Variants in RNF180 observed in about 807,000 individuals in gnomAD.
RNF180 encodes the protein ring finger protein 180.
RNF180 carries 38 observed loss-of-function variants against 59.2 expected under a neutral mutation model. That is an observed-to-expected ratio of 0.64 (90% CI 0.50 to 0.84). The LOEUF (loss-of-function observed/expected upper bound fraction) is 0.84, where lower values mean the gene tolerates loss of function less well. RNF180 is among the 40% of genes least tolerant of loss of function. The probability of loss-of-function intolerance (pLI) is 0.00; values close to 1 mark genes in which losing one functional copy is unlikely to be tolerated. For missense variants in RNF180, 705 were observed against 700.9 expected (o/e 1.01, Z -0.07); for synonymous variants, 262 against 240.3 (o/e 1.09, Z -0.84).
At chr5:64,334,194 T>G (rs1221018937) in intron 7 of RNF180, among the ~76,000 whole-genome samples, 1 of 152,134 alleles carries the variant, frequency 6.6e-6, no homozygotes, top group Non-Finnish European at 1.5e-5. Context: ...GGGCACTGAG[T>G]CAGAGTGGAG....
At chr5:64,352,465 G>T (rs889870825) in intron 7 of RNF180, among the ~76,000 whole-genome samples, 3 of 151,816 alleles carry the variant, frequency 2.0e-5, no homozygotes, top group Admixed American at 2.0e-4. Context: ...GTTTGCCCTT[G>T]CTTCTCTATT....
intron 1 of RNF180, among the ~76,000 whole-genome samples, chr5:64,181,720 G>A (rs6898951): frequency 0.4 from 60,380 of 151,886 alleles, 12,429 homozygotes; most frequent in African/African-American, 0.48. Flanking sequence ...CTGTGTGTAC[G>A]AAGAAAAATA....
At chr5:64,328,996 A>G (rs1229961208) in intron 6 of RNF180, among the ~76,000 whole-genome samples, 5 of 152,192 alleles carry the variant, frequency 3.3e-5, no homozygotes, top group Non-Finnish European at 7.3e-5. Flanking sequence ...AAGAGTTTCT[A>G]CCGTTTAAAA....
chr5:64,170,646 T>A (rs1352438322), intron 1 of RNF180, among the ~76,000 whole-genome samples: 1 of 152,190 alleles, frequency 6.6e-6, no homozygotes, highest in Non-Finnish European at 1.5e-5. Flanking sequence ...TTTTCTGATG[T>A]CTTGGGAAAA....
At chr5:64,259,514 C>G (rs188043019) in intron 5 of RNF180, among the ~76,000 whole-genome samples, 94 of 152,316 alleles carry the variant, frequency 6.2e-4, no homozygotes, top group African/African-American at 2.1e-3. Flanking sequence ...TGTATCTACT[C>G]ACCAAGACTT....
chr5:64,343,485 C>T (rs1745439216), intron 7 of RNF180, among the ~76,000 whole-genome samples: 1 of 151,934 alleles, frequency 6.6e-6, no homozygotes, highest in Non-Finnish European at 1.5e-5. Flanking sequence ...TGAAGACAGA[C>T]ATCAGTACCT....
chr5:64,260,567 A>G (rs1005175051), intron 5 of RNF180, among the ~76,000 whole-genome samples: 41 of 152,190 alleles, frequency 2.7e-4, no homozygotes, highest in African/African-American at 9.2e-4. Context: ...AGAATAACCA[A>G]TCCCTCAATT....
intron 5 of RNF180, among the ~76,000 whole-genome samples, chr5:64,267,115 A>G (rs1744724203): frequency 6.6e-6 from 1 of 152,096 alleles, no homozygotes; most frequent in African/African-American, 2.4e-5. Flanking sequence ...CTGAATTCTG[A>G]AACATCTCTG....
Position 64,214,260 on chromosome 5 carries a change from T to C in RNF180, c.934T>C (p.Cys312Arg), listed in dbSNP as rs201399881. The change falls in exon 4 of 8, where the codon TGT becomes CGT. Residue 312 changes from cysteine (C) to arginine (R), a missense_variant. Transcript: ENST00000389100. ...TQTQRGGEFQCGLEAASVYSD... is the reference protein window; with the variant it reads ...TQTQRGGEFQRGLEAASVYSD... ...GACACAAAGAGGAGGAGAATTTCAG[T>C]GTGGTCTAGAAGCTGCTTCAGTGTA... The C allele has an allele frequency of 4.1e-5, 66 of 1,613,940 alleles. No homozygotes were observed. In the Admixed American group the frequency reaches 1.1e-3, roughly 26 times the overall value.
rs138547362 is a variant in RNF180, at chr5:64,317,563, C to CATACATATATATACATATAT, written c.1228-7608_1228-7607insTATATATACATATATATACA. On this transcript the variant is annotated intron_variant, in intron 5 of 7. Transcript: ENST00000389100. ...GTATATTTATATATACATATATACACATACATATATATACACATATATATA... is the reference window on the plus strand; with the variant it reads ...GTATATTTATATATACATATATACACATACATATATATACATATATATACATATATATACACATATATATA... Among the ~76,000 whole-genome samples the CATACATATATATACATATAT allele has an allele frequency of 4.1e-5, 6 of 147,598 alleles. No individual in the cohort carries two copies. The East Asian group carries it at 1.2e-3, about 29-fold the overall frequency.
At chr5:64,350,474 G>A (rs1252982723) in intron 7 of RNF180, among the ~76,000 whole-genome samples, 1 of 152,092 alleles carries the variant, frequency 6.6e-6, no homozygotes, top group African/African-American at 2.4e-5. Context: ...TAGACATGAA[G>A]TCCTCGCCCA....
intron 6 of RNF180, 41 bp downstream of exon 6, chr5:64,325,452 T>C: frequency 1.5e-6 from 2 of 1,299,454 alleles, no homozygotes; most frequent in Non-Finnish European, 2.2e-6. Flanking sequence ...CTGATTATTC[T>C]ACCTCTTATA....
At chr5:64,285,797 A>G (rs770572232) in intron 5 of RNF180, among the ~76,000 whole-genome samples, 1 of 152,158 alleles carries the variant, frequency 6.6e-6, no homozygotes, top group Non-Finnish European at 1.5e-5. Context: ...CTTGAAGAGC[A>G]TGGTGAGCCT....
intron 2 of RNF180, among the ~76,000 whole-genome samples, chr5:64,210,489 T>C (rs1752257737): frequency 6.6e-6 from 1 of 152,152 alleles, no homozygotes; most frequent in Non-Finnish European, 1.5e-5. Context: ...TCTGATAACA[T>C]CTGTTTATAT....
chr5:64,294,154 A>G (rs1742757658), intron 5 of RNF180, among the ~76,000 whole-genome samples: 1 of 152,158 alleles, frequency 6.6e-6, no homozygotes, highest in Admixed American at 6.5e-5. Flanking sequence ...AAAAATCAAT[A>G]ATAACTGAAT....
chr5:64,330,480 T>C (rs1372109433), intron 7 of RNF180, 74 bp downstream of exon 7: 1 of 1,331,714 alleles, frequency 7.5e-7, no homozygotes, highest in African/African-American at 1.5e-5. Context: ...AACTTCCTGC[T>C]GTCTCAGAAA....
At chr5:64,217,578 C>A in intron 5 of RNF180, 182 bp downstream of exon 5, 1 of 961,710 alleles carries the variant, frequency 1.0e-6, no homozygotes, top group Non-Finnish European at 1.4e-6. Flanking sequence ...CACATCATGA[C>A]TTTAATTTGC....
At chr5:64,346,765 C>G (rs544327018) in intron 7 of RNF180, among the ~76,000 whole-genome samples, 63 of 152,226 alleles carry the variant, frequency 4.1e-4, no homozygotes, top group Non-Finnish European at 5.9e-4. Context: ...AGATGGGTCT[C>G]AAACATCAGT....
At chr5:64,354,169 AC>A (rs1459001061) in intron 7 of RNF180, among the ~76,000 whole-genome samples, 2 of 151,662 alleles carry the variant, frequency 1.3e-5, no homozygotes, top group Admixed American at 6.6e-5. Flanking sequence ...AATCAACAAA[AC>A]CAAAATTTGG....
Sources: gnomAD v4.1 joint callset for allele counts (sites outside exome capture counted in the v4.1 genomes callset) on GRCh38, gnomAD v4.1.1 for gene constraint, MANE v1.5 for transcripts, NCBI Gene and HGNC (gene_info 2026-07-23, HGNC 2026-07-21) for gene names.